Variants in CFAP20DC observed in about 807,000 individuals in gnomAD.
CFAP20DC encodes protein CFAP20DC.
CFAP20DC carries 84 observed loss-of-function variants against 101.7 expected under a neutral mutation model. That is an observed-to-expected ratio of 0.83 (90% CI 0.69 to 0.99). The LOEUF (loss-of-function observed/expected upper bound fraction) is 0.99, where lower values mean the gene tolerates loss of function less well. CFAP20DC is among the 50% of genes least tolerant of loss of function. The probability of loss-of-function intolerance (pLI) is 0.00; values close to 1 mark genes in which losing one functional copy is unlikely to be tolerated. For synonymous variants in CFAP20DC, 359 were observed against 351.2 expected, an observed-to-expected ratio of 1.02 and a Z score of -0.25; for missense variants, 1,007 against 970.3, an observed-to-expected ratio of 1.04 and a Z score of -0.50.
In CFAP20DC at chr3:59,039,616, C is replaced by A. The variant is rs531594440; in HGVS notation, c.219G>T (p.Gln73His). ...KENKQSLGLI[Q>H]RFLVLQIYVP... is the part of the protein sequence containing the mutation. ...CGTAAATCTGAAGTACAAGAAACCTCTGGATCAATCCAACTAGAATGAAGA... is the reference window on the plus strand; with the variant it reads ...CGTAAATCTGAAGTACAAGAAACCTATGGATCAATCCAACTAGAATGAAGA... The change falls in exon 4 of 17, where the codon CAG becomes CAT. Residue 73 changes from glutamine to histidine, a missense_variant. Coordinates refer to ENST00000482387, the MANE Select transcript of CFAP20DC (RefSeq NM_001394063.1). The A allele has an allele frequency of 6.6e-7, 1 of 1,525,576 alleles. No homozygotes were observed. Among genetic ancestry groups the A allele is most frequent in the African/African-American group, 1.4e-5 (1 of 72,728 alleles). 94.5% of individuals were successfully genotyped at this position (1,525,576 alleles called of 1,614,324 possible).
intron 5 of CFAP20DC, among the ~76,000 whole-genome samples, chr3:58,937,148 T>C (rs557428675): frequency 6.6e-6 from 1 of 152,314 alleles, no homozygotes; most frequent in South Asian, 2.1e-4. Flanking sequence ...CAGGCTCTTG[T>C]ACTGTCAGAC....
intron 4 of CFAP20DC, among the ~76,000 whole-genome samples, chr3:59,032,790 T>G (rs967846279): frequency 3.3e-5 from 5 of 152,094 alleles, no homozygotes; most frequent in Middle Eastern, 3.2e-3. Context: ...ACTTAAACGT[T>G]CCTGCCTGCT....
intron 7 of CFAP20DC, among the ~76,000 whole-genome samples, chr3:58,880,357 C>G (rs1053204023): frequency 6.6e-6 from 1 of 152,130 alleles, no homozygotes; most frequent in African/African-American, 2.4e-5. Context: ...ACTGACACAG[C>G]TTTGAGACCT....
chr3:58,736,646 G>A (rs1456595909), intron 3 of CFAP20DC, among the ~76,000 whole-genome samples: 1 of 152,154 alleles, frequency 6.6e-6, no homozygotes, highest in African/African-American at 2.4e-5. Context: ...GCACATTAGA[G>A]CTAATTTCTC....
At chr3:58,941,506 A>G (rs563942815) in intron 4 of CFAP20DC, among the ~76,000 whole-genome samples, 9 of 151,998 alleles carry the variant, frequency 5.9e-5, no homozygotes, top group Non-Finnish European at 7.4e-5. Flanking sequence ...TACATAAACA[A>G]TCATGTCCCG....
At chr3:58,770,829 A>T (rs1234982402) in intron 15 of CFAP20DC, among the ~76,000 whole-genome samples, 2 of 152,196 alleles carry the variant, frequency 1.3e-5, no homozygotes, top group Admixed American at 6.5e-5. Flanking sequence ...AGAATAAGAT[A>T]GGGACCAGGA....
intron 16 of CFAP20DC, among the ~76,000 whole-genome samples, chr3:58,744,279 A>C (rs1467235513): frequency 6.6e-6 from 1 of 152,128 alleles, no homozygotes; most frequent in Admixed American, 6.6e-5. Flanking sequence ...TTTGTTGGTG[A>C]GTTAGAGGCA....
At chr3:58,840,992 G>T (rs886980053) in intron 13 of CFAP20DC, among the ~76,000 whole-genome samples, 5 of 152,246 alleles carry the variant, frequency 3.3e-5, no homozygotes, top group African/African-American at 1.2e-4. Context: ...TGACTTTTCA[G>T]TCATGGAGAA....
At chr3:58,822,233 C>T (rs913862176) in intron 14 of CFAP20DC, among the ~76,000 whole-genome samples, 2 of 149,868 alleles carry the variant, frequency 1.3e-5, no homozygotes, top group Non-Finnish European at 3.0e-5. Flanking sequence ...CAGCATGGCA[C>T]ATGTATACAT....
At chr3:58,832,484 CA>C (rs2076466574) in intron 13 of CFAP20DC, among the ~76,000 whole-genome samples, 1 of 151,724 alleles carries the variant, frequency 6.6e-6, no homozygotes, top group Admixed American at 6.6e-5. Context: ...TTAAATTTGC[CA>C]TTTAAAAAAG....
intron 14 of CFAP20DC, among the ~76,000 whole-genome samples, chr3:58,813,768 G>A (rs1396327486): frequency 6.6e-6 from 1 of 151,814 alleles, no homozygotes; most frequent in Non-Finnish European, 1.5e-5. Flanking sequence ...TATGCACCAT[G>A]AATTTAAATG....
chr3:58,794,903 T>C (rs193263941), intron 15 of CFAP20DC, among the ~76,000 whole-genome samples: 133 of 152,318 alleles, frequency 8.7e-4, no homozygotes, highest in Non-Finnish European at 1.4e-3. Context: ...CATTTTATGC[T>C]GTAGGGGTTC....
At chr3:58,955,088 C>T (rs576498497) in intron 4 of CFAP20DC, among the ~76,000 whole-genome samples, 2 of 151,970 alleles carry the variant, frequency 1.3e-5, no homozygotes, top group South Asian at 4.2e-4. Flanking sequence ...TATTTAAGGA[C>T]TTATGCAACC....
intron 4 of CFAP20DC, among the ~76,000 whole-genome samples, chr3:59,004,973 G>A (rs1357185159): frequency 6.6e-6 from 1 of 152,124 alleles, no homozygotes; most frequent in Non-Finnish European, 1.5e-5. Context: ...GGATAGCCCT[G>A]ATTTTTTACC....
chr3:58,956,300 T>C (rs59128269), intron 4 of CFAP20DC, among the ~76,000 whole-genome samples: 15,178 of 151,720 alleles, frequency 0.1, 2,484 homozygotes, highest in African/African-American at 0.34. Flanking sequence ...GGGGAGCCCA[T>C]TTTCCTGGAG....
rs1334975873 is a variant in CFAP20DC at position 58,723,205 on chromosome 3, AAT to A, written c.198-5579_198-5578del. The stretch of plus-strand genomic sequence containing the variant: ...GGTGGTAAAACTGTAACTGTGAATA[AAT>A]TGCTTATAGTAAGATTTTTTCCCCT... On this transcript the variant is annotated intron_variant, in intron 3 of 3. Transcript: ENST00000486145. 4.6e-5 allele frequency among the ~76,000 whole-genome samples: 7 copies of A among 152,348 alleles called. No individual in the cohort carries two copies. In the South Asian group the frequency reaches 6.2e-4, roughly 14 times the overall value.
At chr3:59,036,509 C>CA (rs2094106821) in intron 4 of CFAP20DC, among the ~76,000 whole-genome samples, 1 of 152,122 alleles carries the variant, frequency 6.6e-6, no homozygotes, top group African/African-American at 2.4e-5. Context: ...AATAGACAAA[C>CA]AGAGAGCCAA....
rs2093314237 is a variant in CFAP20DC, at chr3:59,001,615, T to C, written c.278+37942A>G. Among the ~76,000 whole-genome samples, 1 of 152,220 alleles carries C rather than the reference T, an allele frequency of 6.6e-6. No homozygotes were observed. The highest frequency in any genetic ancestry group is 6.5e-5 in the Admixed American group (1 of 15,282). On this transcript the variant is annotated intron_variant, in intron 4 of 16. Transcript: ENST00000482387. The surrounding 1 kb of genome is among the most constrained non-coding windows in gnomAD (Gnocchi z 4.5). ...TAGTAGAGATGGGGTTTCTCCATGTTGGTCAGGTTGGTCTCGAACTCCCGA... is the reference window on the plus strand; with the variant it reads ...TAGTAGAGATGGGGTTTCTCCATGTCGGTCAGGTTGGTCTCGAACTCCCGA...
intron 16 of CFAP20DC, among the ~76,000 whole-genome samples, chr3:58,747,466 C>T (rs965496353): frequency 6.6e-6 from 1 of 152,136 alleles, no homozygotes; most frequent in African/African-American, 2.4e-5. Flanking sequence ...TCTCTTCAAG[C>T]TTGAAAATAA....
Sources: gnomAD v4.1 joint callset for allele counts (sites outside exome capture counted in the v4.1 genomes callset) on GRCh38, gnomAD v4.1.1 for gene constraint, Gnocchi (gnomAD v3.1) non-coding constraint, MANE v1.5 for transcripts, NCBI Gene and HGNC (gene_info 2026-07-23, HGNC 2026-07-21) for gene names.